The following BTBD8 variants were observed in gnomAD, a reference collection of about 807,000 sequenced individuals.
The protein encoded by BTBD8 is BTB domain containing 8.
In BTBD8, 110 loss-of-function variants were observed where a neutral mutation model predicts 162.9. That is an observed-to-expected ratio of 0.68 (90% CI 0.58 to 0.79). BTBD8 has a LOEUF of 0.79. BTBD8 is among the 30% of genes least tolerant of loss of function. The probability of loss-of-function intolerance (pLI) is 0.00; values close to 1 mark genes in which losing one functional copy is unlikely to be tolerated. For missense variants in BTBD8, 1,905 were observed against 2,085.4 expected, an observed-to-expected ratio of 0.91 and a Z score of 1.68; for synonymous variants, 667 against 716.1, an observed-to-expected ratio of 0.93 and a Z score of 1.10.
intron 11 of BTBD8, 31 bp downstream of exon 11, chr1:92,168,016 A>G: frequency 6.7e-7 from 1 of 1,502,420 alleles, no homozygotes; most frequent in Non-Finnish European, 8.9e-7. Context: ...TATTAAAATA[A>G]TGCAATATTT....
At chr1:92,112,811 G>A (rs971926391) in intron 4 of BTBD8, among the ~76,000 whole-genome samples, 1 of 152,180 alleles carries the variant, frequency 6.6e-6, no homozygotes, top group African/African-American at 2.4e-5. Context: ...CAAAAATTTA[G>A]ATTCACCACT....
At chr1:92,126,077 T>A in intron 4 of BTBD8, 7 of 491,872 alleles carry the variant, frequency 1.4e-5, no homozygotes, top group Non-Finnish European at 2.8e-5. Flanking sequence ...AATTCCTTAG[T>A]AAAGTGTCTA....
At chr1:92,183,800 C>G in intron 17 of BTBD8, 64 bp from the exon 18 acceptor site, 1 of 763,640 alleles carries the variant, frequency 1.3e-6, no homozygotes, top group Non-Finnish European at 1.8e-6. Flanking sequence ...TGTTAATATT[C>G]TACAAAACTC....
At chr1:92,160,703 G>A (rs1012983636) in intron 9 of BTBD8, among the ~76,000 whole-genome samples, 8 of 151,988 alleles carry the variant, frequency 5.3e-5, no homozygotes, top group South Asian at 2.1e-4. Context: ...GGGATTTGGG[G>A]CTTTTCCAGC....
chr1:92,143,359 T>C (rs191692574), intron 7 of BTBD8, among the ~76,000 whole-genome samples: 44 of 152,288 alleles, frequency 2.9e-4, no homozygotes, highest in Admixed American at 1.8e-3. Flanking sequence ...ATGCAGCTTC[T>C]TGTATTTTAT....
chr1:92,146,308 A>G (rs561228645), intron 7 of BTBD8, among the ~76,000 whole-genome samples: 1 of 152,190 alleles, frequency 6.6e-6, no homozygotes, highest in Non-Finnish European at 1.5e-5. Context: ...CAAAACTTAG[A>G]GCATTTTTAG....
At chr1:92,125,676 A>G (rs1649336340) in intron 4 of BTBD8, 4 of 355,580 alleles carry the variant, frequency 1.1e-5, no homozygotes, top group South Asian at 1.0e-4. Flanking sequence ...ATAAGATTAT[A>G]CCAAAAGCCA....
intron 9 of BTBD8, among the ~76,000 whole-genome samples, chr1:92,163,672 G>T (rs753265874): frequency 5.3e-5 from 8 of 151,820 alleles, no homozygotes; most frequent in Non-Finnish European, 1.0e-4. Flanking sequence ...CGAGCAGATT[G>T]CCCTACATTT....
intron 4 of BTBD8, chr1:92,115,451 C>A: frequency 2.1e-6 from 1 of 484,628 alleles, no homozygotes; most frequent in Non-Finnish European, 4.1e-6. Flanking sequence ...AGGTAATGAC[C>A]CTTTTGGCTC....
At chr1:92,119,827 T>C (rs1345062744) in intron 4 of BTBD8, among the ~76,000 whole-genome samples, 1 of 150,300 alleles carries the variant, frequency 6.7e-6, no homozygotes, top group Non-Finnish European at 1.5e-5. Context: ...CACCGTGATC[T>C]CGATTTCCCG....
At chr1:92,129,874 G>A (rs1490950971) in intron 5 of BTBD8, 98 bp downstream of exon 5, 4 of 1,037,626 alleles carry the variant, frequency 3.9e-6, no homozygotes, top group Non-Finnish European at 5.9e-6. Context: ...GGATGTTCAA[G>A]GAAATATTTC....
At chr1:92,123,726 A>G (rs569962) in intron 4 of BTBD8, among the ~76,000 whole-genome samples, 108,363 of 145,570 alleles carry the variant, frequency 0.74, 41,750 homozygotes, top group East Asian at 0.97. Flanking sequence ...GCAGTGAGCC[A>G]AGATCGCGCC....
chr1:92,110,275 C>T (rs1425793481), intron 4 of BTBD8, among the ~76,000 whole-genome samples: 2 of 152,196 alleles, frequency 1.3e-5, no homozygotes, highest in African/African-American at 4.8e-5. Context: ...GGACAATCTG[C>T]ATGCGTTTTA....
chr1:92,127,199 G>T (rs1466337285), intron 4 of BTBD8, among the ~76,000 whole-genome samples: 1 of 152,144 alleles, frequency 6.6e-6, no homozygotes, highest in Non-Finnish European at 1.5e-5. Context: ...GCGAATATTG[G>T]TTATGATTTA....
At chr1:92,174,304 C>A (rs1293781612) in intron 13 of BTBD8, among the ~76,000 whole-genome samples, 1 of 152,124 alleles carries the variant, frequency 6.6e-6, no homozygotes, top group East Asian at 1.9e-4. Context: ...GATCCTTCCA[C>A]CTCTGCTTCC....
chr1:92,163,884 A>G (rs1001544152), intron 9 of BTBD8, among the ~76,000 whole-genome samples: 2 of 152,248 alleles, frequency 1.3e-5, no homozygotes, highest in African/African-American at 2.4e-5. Context: ...CTAAATTATG[A>G]CAATTATACT....
At chr1:92,125,436 G>GA (rs1649330232) in intron 4 of BTBD8, 1 of 300,702 alleles carries the variant, frequency 3.3e-6, no homozygotes. Flanking sequence ...CAACCCGAGG[G>GA]ACTAATGGCA....
At position 92,095,947 on chromosome 1, in the gene BTBD8, C is replaced by G. The variant is rs149077849; in HGVS notation, c.348-6526C>G. The stretch of plus-strand genomic sequence containing the variant: ...TTCAACTCTAATAATTCATTAATTG[C>G]AGGTCCTGGTAGAGTTAATCTTACT... On this transcript the variant is annotated intron_variant, in intron 2 of 17. Transcript: ENST00000636805. Among the ~76,000 whole-genome samples, 268 of 152,118 alleles carry G rather than the reference C, an allele frequency of 1.8e-3. 3 individuals carry two copies. Among genetic ancestry groups the G allele is most frequent in the African/African-American group, 5.9e-3 (245 of 41,486 alleles).
chr1:92,126,221 A>G (rs1649354852), intron 4 of BTBD8: 8 of 545,154 alleles, frequency 1.5e-5, no homozygotes, highest in South Asian at 9.0e-5. Flanking sequence ...TAGAGGGGCC[A>G]GCTGCTATGC....
Sources: allele counts gnomAD v4.1 joint callset (sites outside exome capture counted in the v4.1 genomes callset), GRCh38; gene constraint gnomAD v4.1.1; transcripts MANE v1.5; gene names NCBI Gene and HGNC (gene_info 2026-07-23, HGNC 2026-07-21).